ADGRE2: variants seen among roughly 807,000 people sequenced by gnomAD.
ADGRE2 encodes the protein adhesion G protein-coupled receptor E2.
A neutral mutation model predicts 100.8 loss-of-function variants in ADGRE2; 83 were observed. That is an observed-to-expected ratio of 0.82 (90% CI 0.69 to 0.99). The LOEUF (loss-of-function observed/expected upper bound fraction) is 0.99, where lower values mean the gene tolerates loss of function less well. Among genes scored for constraint, ADGRE2 ranks in the 50% least tolerant of loss-of-function variants. The pLI, the probability that ADGRE2 is intolerant of heterozygous loss-of-function variation, is 0.00. For synonymous variants in ADGRE2, 355 were observed against 413.0 expected, an observed-to-expected ratio of 0.86 and a Z score of 1.70; for missense variants, 814 against 1,035.7, an observed-to-expected ratio of 0.79 and a Z score of 2.94.
chr19:14,754,933 A>T (rs2043435632), intron 14 of ADGRE2, 21 bp downstream of exon 14: 1 of 1,610,052 alleles, frequency 6.2e-7, no homozygotes, highest in Non-Finnish European at 8.5e-7. Context: ...TGCAGAGTGC[A>T]TCCCCTCCTA....
intron 1 of ADGRE2, among the ~76,000 whole-genome samples, chr19:14,777,536 G>A (rs987342980): frequency 6.6e-6 from 1 of 151,990 alleles, no homozygotes; most frequent in East Asian, 1.9e-4. Context: ...GGGTACATGT[G>A]CACAACGAGC....
At chr19:14,769,588 T>G (rs2044119830) in intron 5 of ADGRE2, among the ~76,000 whole-genome samples, 1 of 152,216 alleles carries the variant, frequency 6.6e-6, no homozygotes, top group Non-Finnish European at 1.5e-5. Flanking sequence ...ATGGGGTCCA[T>G]GAGAGCCCTC....
intron 20 of ADGRE2, among the ~76,000 whole-genome samples, chr19:14,741,267 A>G (rs2042921503): frequency 6.8e-6 from 1 of 146,938 alleles, no homozygotes; most frequent in Admixed American, 6.8e-5. Context: ...TGGCTAATTT[A>G]TGTATTTTTA....
At position 14,734,692 on chromosome 19, in the gene ADGRE2, G is replaced by A. The variant is rs2042718570; in HGVS notation, c.*1544C>T. 6.6e-6 allele frequency: 1 copy of A among 152,236 alleles called. No homozygotes were observed. Among genetic ancestry groups the A allele is most frequent in the Non-Finnish European group, 1.5e-5 (1 of 68,084 alleles). The allele number at this position is 152,236 out of a possible 1,614,324, so 9.4% of individuals were successfully genotyped here. On this transcript the variant is annotated 3_prime_UTR_variant, in exon 21 of 21. Coordinates refer to ENST00000315576, the MANE Select transcript of ADGRE2 (RefSeq NM_013447.4). ...TCTGACCACCTCAGCCTCCCAAAGT[G>A]CTGGGATTATAGGCGTGAGCCACTG... is the stretch of plus-strand genomic sequence containing the variant.
rs755870942 is a variant in ADGRE2 at position 14,772,355 on chromosome 19, C to T, written c.342G>A (p.Glu114=). Residue 114 remains glutamate (E), a synonymous_variant, in exon 5 of 21, where the codon GAG becomes GAA. Coordinates refer to ENST00000315576, the MANE Select transcript of ADGRE2 (RefSeq NM_013447.4). ...GGTGGTTCTTACCTTGACACGTGTT[C>T]TCGCTCTCATTCTTGAATGTTTTTG... is the stretch of plus-strand genomic sequence containing the variant. ...SGAKTFKNES[E]NTCQDVDECQ... The T allele has an allele frequency of 3.1e-6, 5 of 1,614,102 alleles. No individual in the cohort carries two copies. Among genetic ancestry groups the T allele is most frequent in the Admixed American group, 3.3e-5 (2 of 59,988 alleles).
At chr19:14,755,284 A>G (rs1050852187) in intron 13 of ADGRE2, among the ~76,000 whole-genome samples, 157 bp from the exon 14 acceptor site, 4 of 93,210 alleles carry the variant, frequency 4.3e-5, no homozygotes, top group African/African-American at 2.0e-4. Flanking sequence ...AAAAAAAAAA[A>G]AAAAAAAAAA....
Position 14,773,994 on chromosome 19 carries a change from T to C in ADGRE2, c.143A>G (p.Asn48Ser), listed in dbSNP as rs2044321124. The C allele has an allele frequency of 6.2e-6, 10 of 1,614,084 alleles. 1 individual carries two copies. The highest frequency in any genetic ancestry group is 2.2e-5 in the South Asian group (2 of 91,076). Residue 48 changes from asparagine to serine, a missense_variant, in exon 4 of 21, where the codon AAT becomes AGT. Physicochemically the swap from Asn to Ser is conservative, Grantham distance 46. Coordinates refer to ENST00000315576, the MANE Select transcript of ADGRE2 (RefSeq NM_013447.4). ...CTCAGAAAAAGAGCTGAACCCTGGA[T>C]TGCAGCGACAGGCGGTGGCATTGAC... ...SCVNATACRCNPGFSSFSEII... is the reference protein window; with the variant it reads ...SCVNATACRCSPGFSSFSEII...
rs1204964537 is a variant in ADGRE2, at chr19:14,743,736, C to T, written c.2232G>A (p.Thr744=). The change falls in exon 19 of 21, where the codon ACG becomes ACA. Residue 744 remains threonine, a synonymous_variant. Coordinates refer to ENST00000315576, the MANE Select transcript of ADGRE2 (RefSeq NM_013447.4). ...CCACCTGCAAGATGCCCAGACACCA[C>T]GTGCAGCCCAGGATGAACAGCTGAG... ...ATAQLFILGC[T]WCLGILQVGP... 1.2e-5 allele frequency: 19 copies of T among 1,614,064 alleles called. No homozygotes were observed. Among genetic ancestry groups the T allele is most frequent in the African/African-American group, 4.0e-5 (3 of 74,906 alleles).
At chr19:14,774,602 A>G in intron 2 of ADGRE2, among the ~76,000 whole-genome samples, 1 of 150,386 alleles carries the variant, frequency 6.6e-6, no homozygotes, top group South Asian at 2.1e-4. Flanking sequence ...TCCAATTCCT[A>G]GGCTCAAGCG....
At chr19:14,759,488 C>CATATATATATATATATATATAT (rs147074153) in intron 11 of ADGRE2, among the ~76,000 whole-genome samples, 41 of 133,550 alleles carry the variant, frequency 3.1e-4, no homozygotes, top group African/African-American at 1.0e-3. Context: ...ATAAGTTATA[C>CATATATATATATATATATATAT]ATATATATAT....
intron 14 of ADGRE2, 128 bp downstream of exon 14, chr19:14,754,826 C>T: frequency 9.7e-7 from 1 of 1,027,184 alleles, no homozygotes; most frequent in East Asian, 2.7e-5. Flanking sequence ...GAAAAGCCAT[C>T]TTGCTATGCC....
chr19:14,767,453 A>G (rs539503335), intron 5 of ADGRE2, among the ~76,000 whole-genome samples: 8 of 152,068 alleles, frequency 5.3e-5, no homozygotes, highest in South Asian at 2.1e-4. Flanking sequence ...GTTAGCCAGG[A>G]TGGTCTTGAT....
rs780886482 is a variant in ADGRE2, at chr19:14,764,549, C to G, written c.968G>C (p.Arg323Pro). 6.2e-7 allele frequency: 1 copy of G among 1,612,910 alleles called. No individual in the cohort carries two copies. The change falls in exon 11 of 21, where the codon CGC (arginine) becomes CCC (proline). Residue 323 changes from arginine (R) to proline (P), a missense_variant. Arg to Pro is a moderately radical substitution (Grantham distance 103). This residue lies in a region of ADGRE2 where 569 missense variants were observed against 692.7 expected (regional missense o/e 0.82). Coordinates refer to ENST00000315576, the MANE Select transcript of ADGRE2 (RefSeq NM_013447.4). ...ACTGGCCACACAGTGCTGCTGTAAGCGGGGCAGGGTCTCCAGGTCCCCAGG... is the reference window on the plus strand; with the variant it reads ...ACTGGCCACACAGTGCTGCTGTAAGGGGGGCAGGGTCTCCAGGTCCCCAGG... ...EAPGDLETLP[R>P]LQQHCVASHL...
intron 2 of ADGRE2, among the ~76,000 whole-genome samples, chr19:14,776,143 T>C (rs1050581970): frequency 6.6e-6 from 1 of 151,978 alleles, no homozygotes; most frequent in African/African-American, 2.4e-5. Flanking sequence ...CCAGGGGCTT[T>C]AGAGATGGGG....
intron 5 of ADGRE2, among the ~76,000 whole-genome samples, chr19:14,771,383 T>C (rs1292766708): frequency 6.6e-6 from 1 of 152,182 alleles, no homozygotes; most frequent in Non-Finnish European, 1.5e-5. Flanking sequence ...GGTTCCCATC[T>C]GGCCTTGCAG....
Position 14,752,346 on chromosome 19 carries a change from C to G in ADGRE2, c.1771G>C (p.Asp591His), listed in dbSNP as rs755340247. The G allele has an allele frequency of 6.2e-7, 1 of 1,614,072 alleles. No individual in the cohort carries two copies. The highest frequency in any genetic ancestry group is 1.1e-5 in the South Asian group (1 of 91,072). ...GTCAATACCTTGTGTCCGGTTTGAT[C>G]AATTGCCACGAGGAAGAGGAGGTGG... ...LAHLLFLVAI[D>H]QTGHKVLCSI... is the part of the protein sequence containing the mutation. Residue 591 changes from aspartate (D) to histidine (H), a missense_variant, in exon 15 of 21, where the codon GAT becomes CAT. Physicochemically the swap from Asp to His is moderately conservative, Grantham distance 81. This residue lies in a region of ADGRE2 where 569 missense variants were observed against 692.7 expected (regional missense o/e 0.82). Coordinates refer to ENST00000315576, the MANE Select transcript of ADGRE2 (RefSeq NM_013447.4).
intron 11 of ADGRE2, among the ~76,000 whole-genome samples, chr19:14,762,459 A>C (rs1264897948): frequency 1.3e-5 from 2 of 152,032 alleles, no homozygotes; most frequent in African/African-American, 4.8e-5. Flanking sequence ...CAGAAAGCAG[A>C]TTAGCGGCTG....
the ADGRE2 span, among the ~76,000 whole-genome samples, chr19:14,727,385 C>T: frequency 6.6e-6 from 1 of 152,148 alleles, no homozygotes; most frequent in Non-Finnish European, 1.5e-5. Context: ...ATGGTACCAA[C>T]ATCTGCTTGT....
chr19:14,755,530 C>T (rs1196822561), intron 13 of ADGRE2, 124 bp downstream of exon 13: 1 of 867,072 alleles, frequency 1.2e-6, no homozygotes. Context: ...TTGGGAAGGA[C>T]TGACTTTCCT....
Sources: gnomAD v4.1 joint callset for allele counts (sites outside exome capture counted in the v4.1 genomes callset) on GRCh38, gnomAD v4.1.1 for gene constraint, gnomAD v4.1.1 regional missense constraint, MANE v1.5 for transcripts, NCBI Gene and HGNC (gene_info 2026-07-23, HGNC 2026-07-21) for gene names.